The following PLXDC2 variants were observed in gnomAD, a reference collection of about 807,000 sequenced individuals.
PLXDC2 encodes the protein plexin domain-containing protein 2.
A neutral mutation model predicts 68.9 loss-of-function variants in PLXDC2; 40 were observed. The ratio of observed to expected loss-of-function variants is 0.58; its 90% confidence interval spans 0.45 to 0.76. The LOEUF is 0.76. Ranked by LOEUF, PLXDC2 falls within the 30% of genes least tolerant of loss-of-function variation. The pLI, the probability that PLXDC2 is intolerant of heterozygous loss-of-function variation, is 0.00. For synonymous variants in PLXDC2, 243 were observed against 234.2 expected (o/e 1.04, Z -0.34); for missense variants, 644 against 661.9 (o/e 0.97, Z 0.30).
chr10:20,134,715 G>A (rs1022550902), intron 4 of PLXDC2, among the ~76,000 whole-genome samples: 4 of 152,206 alleles, frequency 2.6e-5, no homozygotes, highest in Admixed American at 2.0e-4. Context: ...ACTTTGTACC[G>A]GGTGCCACAT....
chr10:20,241,266 G>T (rs1180459062), intron 12 of PLXDC2, among the ~76,000 whole-genome samples: 2 of 152,200 alleles, frequency 1.3e-5, no homozygotes, highest in Middle Eastern at 3.2e-3. Context: ...TCTGGTTATG[G>T]TTGTTATATT....
chr10:19,845,313 A>C (rs148109694), intron 1 of PLXDC2, among the ~76,000 whole-genome samples: 1 of 152,314 alleles, frequency 6.6e-6, no homozygotes, highest in African/African-American at 2.4e-5. Flanking sequence ...ACTTCTTGCC[A>C]GATGAAATGT....
rs183264795 is a variant in PLXDC2 at position 20,196,644 on chromosome 10, T to C, written c.1062-15025T>C. Among the ~76,000 whole-genome samples the C allele has an allele frequency of 2.7e-3, 408 of 152,328 alleles. 3 individuals are homozygous for C. The highest frequency in any genetic ancestry group is 4.4e-4 in the Non-Finnish European group (30 of 68,016). Reference sequence around the variant, plus strand: ...GAGATACCAGCCCCAGTTTTATGCATGCAATTCTAAAGTTCATGTTCCTTC... The same window carrying C: ...GAGATACCAGCCCCAGTTTTATGCACGCAATTCTAAAGTTCATGTTCCTTC... On this transcript the variant is annotated intron_variant, in intron 9 of 13. Coordinates refer to ENST00000377252, the MANE Select transcript of PLXDC2 (RefSeq NM_032812.9).
intron 1 of PLXDC2, among the ~76,000 whole-genome samples, chr10:19,945,961 C>G (rs1833894962): frequency 6.6e-6 from 1 of 152,198 alleles, no homozygotes; most frequent in African/African-American, 2.4e-5. Context: ...TTGGACAAGA[C>G]CATGCAAGAC....
At chr10:20,105,589 G>A (rs1278647088) in intron 4 of PLXDC2, among the ~76,000 whole-genome samples, 1 of 152,200 alleles carries the variant, frequency 6.6e-6, no homozygotes, top group Non-Finnish European at 1.5e-5. Context: ...CCAGTCTGCT[G>A]ATAATTCACA....
chr10:20,136,910 C>T (rs1833941543), intron 4 of PLXDC2, among the ~76,000 whole-genome samples: 1 of 152,190 alleles, frequency 6.6e-6, no homozygotes, highest in South Asian at 2.1e-4. Context: ...ATTACTGTGA[C>T]ACTTCCAATT....
At chr10:20,042,016 C>T (rs560510079) in intron 2 of PLXDC2, among the ~76,000 whole-genome samples, 9 of 152,282 alleles carry the variant, frequency 5.9e-5, no homozygotes, top group African/African-American at 1.9e-4. Flanking sequence ...CTTCCATTTA[C>T]GAATTTTAGC....
chr10:19,994,153 A>G (rs1338643045), intron 1 of PLXDC2, among the ~76,000 whole-genome samples: 3 of 151,918 alleles, frequency 2.0e-5, no homozygotes, highest in African/African-American at 4.8e-5. Context: ...AACTGCAATC[A>G]TAAGTGTAGC....
At chr10:20,271,671 C>A (rs758406542) in intron 13 of PLXDC2, among the ~76,000 whole-genome samples, 1 of 152,060 alleles carries the variant, frequency 6.6e-6, no homozygotes, top group Non-Finnish European at 1.5e-5. Flanking sequence ...AAGGAGAGAA[C>A]AGACAGTAAG....
chr10:19,920,651 C>G (rs11011676), intron 1 of PLXDC2, among the ~76,000 whole-genome samples: 23,407 of 152,154 alleles, frequency 0.15, 1,930 homozygotes, highest in Non-Finnish European at 0.17. Flanking sequence ...AGAGCTACCT[C>G]CACTCAAACA....
rs562482688 is a variant in PLXDC2 at position 19,872,784 on chromosome 10, C to A, written c.112+55593C>A. Among the ~76,000 whole-genome samples the A allele has an allele frequency of 2.0e-3, 309 of 152,150 alleles. 6 individuals carry two copies. The highest frequency in any genetic ancestry group is 2.7e-3 in the Admixed American group (41 of 15,292). ...GTTCTCTGGCAAAGAGGGCTATGATCATGGGACATACTTGTTCCCTGGGAC... is the reference window on the plus strand; with the variant it reads ...GTTCTCTGGCAAAGAGGGCTATGATAATGGGACATACTTGTTCCCTGGGAC... On this transcript the variant is annotated intron_variant, in intron 1 of 13. Coordinates refer to ENST00000377252, the MANE Select transcript of PLXDC2 (RefSeq NM_032812.9).
In PLXDC2 at chr10:20,217,474, C is replaced by T. The variant is rs1335007275; in HGVS notation, c.1171C>T (p.Arg391Ter). 1.2e-6 allele frequency: 2 copies of T among 1,612,628 alleles called. No homozygotes were observed. The highest frequency in any genetic ancestry group is 1.7e-6 in the Non-Finnish European group (2 of 1,179,122). ...TACAGAACCAGTGGAAACTTCTTCT[C>T]GAACCACCACAACCGTAGGAGCGAC... ...ENTEPVETSS[R>*]TTTTVGATTT... The change falls in exon 11 of 14, where the codon CGA (arginine) becomes TGA (stop). Residue 391 changes from arginine (R) to a stop codon, truncating the protein, a stop_gained. Coordinates refer to ENST00000377252, the MANE Select transcript of PLXDC2 (RefSeq NM_032812.9). LOFTEE classifies it high-confidence loss of function.
chr10:19,968,017 A>G (rs1419737173), intron 1 of PLXDC2, among the ~76,000 whole-genome samples: 4 of 152,226 alleles, frequency 2.6e-5, no homozygotes, highest in Non-Finnish European at 5.9e-5. Flanking sequence ...AGACTTGAGG[A>G]GAAAGATAAG....
intron 1 of PLXDC2, among the ~76,000 whole-genome samples, chr10:19,977,516 T>A (rs1382877070): frequency 6.6e-6 from 1 of 152,162 alleles, no homozygotes; most frequent in East Asian, 1.9e-4. Context: ...AATCTCCTGA[T>A]TATAAGGGCA....
intron 13 of PLXDC2, among the ~76,000 whole-genome samples, chr10:20,259,039 A>C (rs957798782): frequency 6.6e-6 from 1 of 151,558 alleles, no homozygotes; most frequent in African/African-American, 2.4e-5. Context: ...AAAGGAAAGG[A>C]TGGAAAACTT....
chr10:20,116,079 C>G (rs1833617336), intron 4 of PLXDC2, among the ~76,000 whole-genome samples: 1 of 152,202 alleles, frequency 6.6e-6, no homozygotes, highest in African/African-American at 2.4e-5. Flanking sequence ...TCACGCTGCT[C>G]CTCTACAAAA....
At chr10:20,024,819 A>G (rs1589592616) in intron 2 of PLXDC2, among the ~76,000 whole-genome samples, 1 of 151,942 alleles carries the variant, frequency 6.6e-6, no homozygotes, top group Non-Finnish European at 1.5e-5. Flanking sequence ...AACATGCAGT[A>G]TTTGTTTTTC....
chr10:20,145,226 A>C (rs1834061202), intron 5 of PLXDC2, among the ~76,000 whole-genome samples: 1 of 152,238 alleles, frequency 6.6e-6, no homozygotes, highest in African/African-American at 2.4e-5. Flanking sequence ...GTAATGACTT[A>C]TTCCATAGGA....
Position 20,281,819 on chromosome 10 carries a change from A to G in PLXDC2, c.*2000A>G, listed in dbSNP as rs544949637. ...ATATTACTGGTGCAACTGGTATTCT[A>G]CAAATGCATAAGGAACACATAGACG... On this transcript the variant is annotated 3_prime_UTR_variant, in exon 14 of 14. Coordinates refer to ENST00000377252, the MANE Select transcript of PLXDC2 (RefSeq NM_032812.9). 6.6e-6 allele frequency: 1 copy of G among 152,252 alleles called. No homozygotes were observed. Among genetic ancestry groups the G allele is most frequent in the South Asian group, 2.1e-4 (1 of 4,822 alleles). 9.4% of individuals were successfully genotyped at this position (152,252 alleles called of 1,614,324 possible). A position where few individuals can be genotyped will look rare whatever the true frequency, so the allele number is the denominator to read the frequency against.
Sources: allele counts gnomAD v4.1 joint callset (sites outside exome capture counted in the v4.1 genomes callset), GRCh38; gene constraint gnomAD v4.1.1; transcripts MANE v1.5; gene names NCBI Gene and HGNC (gene_info 2026-07-23, HGNC 2026-07-21).